The following CATSPERT variants were observed in gnomAD, a reference collection of about 807,000 sequenced individuals.
CATSPERT encodes catsper channel auxiliary subunit tau, also known as cation channel sperm-associated targeting subunit tau.
chr2:201,566,842 G>C, the CATSPERT span, among the ~76,000 whole-genome samples: 17 of 152,106 alleles, frequency 1.1e-4, no homozygotes, highest in African/African-American at 4.1e-4. Flanking sequence ...TAATTTTTTG[G>C]AATGTATTTT....
chr2:201,497,693 T>C, the CATSPERT span, among the ~76,000 whole-genome samples: 2 of 152,206 alleles, frequency 1.3e-5, no homozygotes, highest in East Asian at 1.9e-4. Flanking sequence ...GAACATATAA[T>C]TCTTTCACAA....
At chr2:201,575,903 A>C in the CATSPERT span, among the ~76,000 whole-genome samples, 1 of 152,192 alleles carries the variant, frequency 6.6e-6, no homozygotes, top group Non-Finnish European at 1.5e-5. Flanking sequence ...TGGTGCCAAA[A>C]AGATTGGGGA....
the CATSPERT span, chr2:201,550,917 C>T: frequency 6.6e-6 from 1 of 152,288 alleles, no homozygotes; most frequent in East Asian, 1.9e-4. Flanking sequence ...AAAACCCATT[C>T]CACTTATCCC....
the CATSPERT span, chr2:201,492,704 T>G: frequency 6.5e-7 from 1 of 1,535,410 alleles, no homozygotes; most frequent in Non-Finnish European, 8.7e-7. Flanking sequence ...TTGAAATTGT[T>G]GACAAAAGAC....
At chr2:201,618,908 G>GCCGGTGC in the CATSPERT span, 1 of 1,613,700 alleles carries the variant, frequency 6.2e-7, no homozygotes. Flanking sequence ...ACGTTCAGCA[G>GCCGGTGC]CCGGTGCCCG....
chr2:201,491,082 C>A, the CATSPERT span: 1 of 1,144,102 alleles, frequency 8.7e-7, no homozygotes, highest in Non-Finnish European at 1.2e-6. Context: ...AGGTTATACA[C>A]ACAGTTGGAT....
At chr2:201,593,506 T>A in the CATSPERT span, among the ~76,000 whole-genome samples, 1 of 119,976 alleles carries the variant, frequency 8.3e-6, no homozygotes, top group Admixed American at 9.1e-5. Context: ...GTCCGCTTGG[T>A]GCAGAGCTGA....
At chr2:201,506,888 C>T in the CATSPERT span, among the ~76,000 whole-genome samples, 1 of 152,166 alleles carries the variant, frequency 6.6e-6, no homozygotes, top group Non-Finnish European at 1.5e-5. Context: ...AATAAATCTT[C>T]TAACAAACTA....
the CATSPERT span, among the ~76,000 whole-genome samples, chr2:201,591,851 G>T: frequency 6.6e-6 from 1 of 151,920 alleles, no homozygotes; most frequent in Non-Finnish European, 1.5e-5. Flanking sequence ...CTGAGACTTT[G>T]CTGAAGTTGC....
the CATSPERT span, among the ~76,000 whole-genome samples, chr2:201,532,790 G>T: frequency 6.6e-6 from 1 of 152,162 alleles, no homozygotes; most frequent in Non-Finnish European, 1.5e-5. Flanking sequence ...ATGCGGCTAA[G>T]TAGTCACAGA....
At chr2:201,533,887 A>G in the CATSPERT span, among the ~76,000 whole-genome samples, 3 of 152,126 alleles carry the variant, frequency 2.0e-5, no homozygotes, top group Non-Finnish European at 2.9e-5. Context: ...GAAGACCTGA[A>G]GGTTCTGTTT....
chr2:201,589,687 G>T, the CATSPERT span, among the ~76,000 whole-genome samples: 1 of 152,012 alleles, frequency 6.6e-6, no homozygotes, highest in Non-Finnish European at 1.5e-5. Flanking sequence ...TACCATTCAG[G>T]ACATAGGCAG....
At chr2:201,591,298 T>C in the CATSPERT span, among the ~76,000 whole-genome samples, 2 of 152,200 alleles carry the variant, frequency 1.3e-5, no homozygotes, top group Non-Finnish European at 2.9e-5. Flanking sequence ...TAGTTGTAGA[T>C]ATGTGGCGTT....
At chr2:201,613,414 C>T in the CATSPERT span, among the ~76,000 whole-genome samples, 1 of 152,194 alleles carries the variant, frequency 6.6e-6, no homozygotes, top group Non-Finnish European at 1.5e-5. Flanking sequence ...GTTCTGCAGC[C>T]TCCACTGGTG....
the CATSPERT span, among the ~76,000 whole-genome samples, chr2:201,592,393 T>C: frequency 0.017 from 2,394 of 144,822 alleles, 61 homozygotes; most frequent in African/African-American, 0.053. Context: ...CAGTATTTTA[T>C]TGAGGATTTT....
the CATSPERT span, chr2:201,494,510 G>C: frequency 6.5e-7 from 1 of 1,536,602 alleles, no homozygotes; most frequent in Non-Finnish European, 8.7e-7. Flanking sequence ...GTAGGATCAG[G>C]GGCTAACTTA....
the CATSPERT span, among the ~76,000 whole-genome samples, chr2:201,593,774 T>C: frequency 2.0e-5 from 3 of 150,042 alleles, no homozygotes. Flanking sequence ...GTTTAAAGTC[T>C]GTTTTATCAG....
the CATSPERT span, among the ~76,000 whole-genome samples, chr2:201,551,994 T>C: frequency 6.6e-6 from 1 of 152,048 alleles, no homozygotes; most frequent in Admixed American, 6.5e-5. Context: ...TTTCTTTCTT[T>C]TTTTTTTCTT....
chr2:201,593,403 T>C, the CATSPERT span, among the ~76,000 whole-genome samples: 1 of 151,960 alleles, frequency 6.6e-6, no homozygotes, highest in Non-Finnish European at 1.5e-5. Flanking sequence ...TACTTCCAAC[T>C]ATGTGGTCAA....
Sources: gnomAD v4.1 joint callset for allele counts (sites outside exome capture counted in the v4.1 genomes callset) on GRCh38, gnomAD v4.1.1 for gene constraint, MANE v1.5 for transcripts, NCBI Gene and HGNC (gene_info 2026-07-23, HGNC 2026-07-21) for gene names.